Variants in YWHAE observed in about 807,000 individuals in gnomAD.
YWHAE encodes the protein 14-3-3 protein epsilon.
A neutral mutation model predicts 30.1 loss-of-function variants in YWHAE; 4 were observed. That is an observed-to-expected ratio of 0.13 (90% CI 0.07 to 0.30). The LOEUF is 0.30. Among genes scored for constraint, YWHAE ranks in the 10% least tolerant of loss-of-function variants. YWHAE has a pLI of 1.00. For synonymous variants in YWHAE, 118 were observed against 111.8 expected, an observed-to-expected ratio of 1.06 and a Z score of -0.35; for missense variants, 121 against 315.9, an observed-to-expected ratio of 0.38 and a Z score of 4.68.
intron 1 of YWHAE, among the ~76,000 whole-genome samples, chr17:1,387,512 A>G (rs1332409391): frequency 6.6e-6 from 1 of 152,212 alleles, no homozygotes; most frequent in Non-Finnish European, 1.5e-5. Context: ...ATGACCACAA[A>G]TAACCCTTGG....
At chr17:1,396,610 C>A (rs974563547) in intron 1 of YWHAE, among the ~76,000 whole-genome samples, 7 of 152,184 alleles carry the variant, frequency 4.6e-5, no homozygotes, top group Non-Finnish European at 1.0e-4. Context: ...CCTCTGCTCC[C>A]CAAAAACGGG....
Position 1,386,948 on chromosome 17 carries a change from C to T in YWHAE, c.64+13099G>A, listed in dbSNP as rs143087509. ...CAGTCTGGGCAACAGAGTGAGACTC[C>T]GTCTCAAAAGGAAAAAAAAAAAAAA... On this transcript the variant is annotated intron_variant, in intron 1 of 5. Coordinates refer to ENST00000264335, the MANE Select transcript of YWHAE (RefSeq NM_006761.5). Among the ~76,000 whole-genome samples the T allele has an allele frequency of 1.5e-4, 19 of 129,938 alleles. No individual in the cohort carries two copies. The East Asian group carries it at 3.7e-3, about 26-fold the overall frequency. The allele number at this position is 129,938 out of a possible 152,430, so 85.2% of individuals were successfully genotyped here. A position where few individuals can be genotyped will look rare whatever the true frequency, so the allele number is the denominator to read the frequency against.
intron 5 of YWHAE, among the ~76,000 whole-genome samples, chr17:1,347,090 G>A (rs1193984769): frequency 6.7e-6 from 1 of 150,146 alleles, no homozygotes; most frequent in Non-Finnish European, 1.5e-5. Flanking sequence ...CACTTTGGGA[G>A]GCCAAGAGAG....
intron 1 of YWHAE, among the ~76,000 whole-genome samples, chr17:1,376,694 C>A (rs916037625): frequency 1.3e-5 from 2 of 152,186 alleles, no homozygotes; most frequent in Non-Finnish European, 2.9e-5. Flanking sequence ...TAAAACAAGT[C>A]TCTGCTGAGC....
intron 4 of YWHAE, among the ~76,000 whole-genome samples, chr17:1,360,392 G>A (rs1228973867): frequency 6.6e-6 from 1 of 152,210 alleles, no homozygotes; most frequent in Non-Finnish European, 1.5e-5. Flanking sequence ...TAGTAAGACT[G>A]AAACTTGTTT....
rs764727024 is a variant in YWHAE at position 1,400,011 on chromosome 17, C to G, written c.64+36G>C. 4 of 1,612,690 alleles carry G rather than the reference C, an allele frequency of 2.5e-6. No homozygotes were observed. The South Asian group carries it at 3.3e-5, about 13-fold the overall frequency. On this transcript the variant is annotated intron_variant, in intron 1 of 5. Transcript: ENST00000264335. ...CCTCTGTGGGCGGCGGCAGAGGGTC[C>G]GAGAATTCCAGCCCCCCGTTGCCCC...
At chr17:1,361,461 CTTCGT>C (rs1308223468) in intron 3 of YWHAE, among the ~76,000 whole-genome samples, 163 bp from the exon 4 acceptor site, 10 of 151,954 alleles carry the variant, frequency 6.6e-5, no homozygotes, top group Admixed American at 5.2e-4. Flanking sequence ...GAATAACTGG[CTTCGT>C]TTCATTTTTT....
At chr17:1,374,721 G>A (rs139656895) in intron 1 of YWHAE, among the ~76,000 whole-genome samples, 6 of 152,188 alleles carry the variant, frequency 3.9e-5, no homozygotes, top group Non-Finnish European at 5.9e-5. Context: ...AGCCTTTTGC[G>A]TATGTTCTCT....
chr17:1,369,026 G>A (rs1236827123), intron 1 of YWHAE, among the ~76,000 whole-genome samples: 10 of 152,182 alleles, frequency 6.6e-5, no homozygotes, highest in Admixed American at 5.2e-4. Context: ...AATGCAAAGA[G>A]AAATATATTT....
intron 1 of YWHAE, among the ~76,000 whole-genome samples, chr17:1,379,490 G>A (rs1038890021): frequency 6.6e-6 from 1 of 152,088 alleles, no homozygotes; most frequent in Admixed American, 6.6e-5. Context: ...TGCCTCAAAA[G>A]AAGATTTCAT....
intron 1 of YWHAE, among the ~76,000 whole-genome samples, chr17:1,396,486 C>G (rs1481989105): frequency 6.6e-6 from 1 of 152,146 alleles, no homozygotes; most frequent in Non-Finnish European, 1.5e-5. Flanking sequence ...GGGAATCCAA[C>G]ATGACCATCA....
At chr17:1,397,194 C>T (rs1406762310) in intron 1 of YWHAE, among the ~76,000 whole-genome samples, 3 of 152,204 alleles carry the variant, frequency 2.0e-5, no homozygotes, top group African/African-American at 7.2e-5. Flanking sequence ...CCACCCCGCC[C>T]GGCCTTTCTT....
chr17:1,390,953 T>C (rs2073380887), intron 1 of YWHAE, among the ~76,000 whole-genome samples: 1 of 152,208 alleles, frequency 6.6e-6, no homozygotes, highest in Non-Finnish European at 1.5e-5. Context: ...TAACAAGATA[T>C]GGGTGAGCCT....
chr17:1,348,919 G>C (rs142817042), intron 5 of YWHAE, among the ~76,000 whole-genome samples: 187 of 151,412 alleles, frequency 1.2e-3, no homozygotes, highest in African/African-American at 4.5e-3. Flanking sequence ...CCAGCTACCA[G>C]GAAGGCTGAG....
chr17:1,378,488 G>C (rs932407992), intron 1 of YWHAE, among the ~76,000 whole-genome samples: 11 of 152,186 alleles, frequency 7.2e-5, no homozygotes, highest in African/African-American at 2.7e-4. Flanking sequence ...TTACTATTCA[G>C]AAATATAAAG....
intron 1 of YWHAE, among the ~76,000 whole-genome samples, chr17:1,371,239 C>T (rs1049138682): frequency 2.6e-5 from 4 of 152,094 alleles, no homozygotes; most frequent in African/African-American, 4.8e-5. Flanking sequence ...TACGCCATTA[C>T]GCCCAGCTAA....
chr17:1,382,879 T>C (rs1005837374), intron 1 of YWHAE, among the ~76,000 whole-genome samples: 1 of 149,824 alleles, frequency 6.7e-6, no homozygotes, highest in Non-Finnish European at 1.5e-5. Flanking sequence ...ACAAAAATTA[T>C]CCAGGTGTGT....
rs551704663 is a variant in YWHAE, at chr17:1,358,287, T to C, written c.578+2805A>G. ...CGGAGTCTCGCTCTGTCGCCCAGGC[T>C]GGAGTGCAGTGGCGTGATCTTGGCT... On this transcript the variant is annotated intron_variant, in intron 4 of 5. Coordinates refer to ENST00000264335, the MANE Select transcript of YWHAE (RefSeq NM_006761.5). 1.1e-4 allele frequency among the ~76,000 whole-genome samples: 17 copies of C among 152,142 alleles called. No homozygotes were observed. The East Asian group carries it at 2.5e-3, about 23-fold the overall frequency.
intron 1 of YWHAE, among the ~76,000 whole-genome samples, chr17:1,389,870 T>C (rs923985782): frequency 3.6e-5 from 5 of 140,570 alleles, no homozygotes; most frequent in Non-Finnish European, 6.2e-5. Context: ...TGAGACAGAG[T>C]TTTGCTCTTG....
Sources: allele counts gnomAD v4.1 joint callset (sites outside exome capture counted in the v4.1 genomes callset), GRCh38; gene constraint gnomAD v4.1.1; transcripts MANE v1.5; gene names NCBI Gene and HGNC (gene_info 2026-07-23, HGNC 2026-07-21).